Variants in NR2C2 observed in about 807,000 individuals in gnomAD.
NR2C2 encodes the protein Nuclear hormone receptor TR4.
NR2C2 carries 6 observed loss-of-function variants against 62.9 expected under a neutral mutation model. That is an observed-to-expected ratio of 0.10 (90% confidence interval 0.05 to 0.19). The LOEUF (loss-of-function observed/expected upper bound fraction) is 0.19, where lower values mean the gene tolerates loss of function less well. NR2C2 is among the 10% of genes least tolerant of loss of function. The probability of loss-of-function intolerance (pLI) is 1.00; values close to 1 mark genes in which losing one functional copy is unlikely to be tolerated. For missense variants in NR2C2, 479 were observed against 762.7 expected (o/e 0.63, Z 4.38); for synonymous variants, 272 against 273.8 (o/e 0.99, Z 0.07).
chr3:15,043,251 C>A lies in NR2C2; in HGVS notation c.*243C>A. 3.0e-6 allele frequency: 1 copy of A among 329,370 alleles called. No homozygotes were observed. The highest frequency in any genetic ancestry group is 4.8e-5 in the East Asian group (1 of 20,734). 20.4% of individuals were successfully genotyped at this position (329,370 alleles called of 1,614,324 possible). Reference sequence around the variant, plus strand: ...CAGATTTTGGAACAATCTTTTAACTCAATTTGTATTTAGAAATTCTCAAAG... The same window carrying A: ...CAGATTTTGGAACAATCTTTTAACTAAATTTGTATTTAGAAATTCTCAAAG... On this transcript the variant is annotated 3_prime_UTR_variant, in exon 14 of 14. Transcript: ENST00000425241.
chr3:15,017,069 G>C (rs2041531001), intron 4 of NR2C2, among the ~76,000 whole-genome samples: 1 of 152,180 alleles, frequency 6.6e-6, no homozygotes, highest in Non-Finnish European at 1.5e-5. Flanking sequence ...TTCTTCTGTG[G>C]TCACAAAATT....
At chr3:15,003,070 C>T (rs1363991452) in intron 1 of NR2C2, among the ~76,000 whole-genome samples, 3 of 151,396 alleles carry the variant, frequency 2.0e-5, no homozygotes, top group Admixed American at 1.3e-4. Flanking sequence ...CTCAGCCACA[C>T]GAGTAGCTGG....
intron 7 of NR2C2, among the ~76,000 whole-genome samples, chr3:15,027,418 AC>A (rs901140529): frequency 6.6e-6 from 1 of 152,228 alleles, no homozygotes. Context: ...TCATTTCTCC[AC>A]ATCCTTACCA....
intron 1 of NR2C2, among the ~76,000 whole-genome samples, chr3:14,963,412 A>G (rs888120094): frequency 1.4e-4 from 21 of 152,232 alleles, no homozygotes; most frequent in Admixed American, 1.0e-3. Flanking sequence ...AGCTCTTCCA[A>G]TTAACCATGG....
chr3:15,042,559 A>C (rs761273515), intron 13 of NR2C2: 9 of 329,354 alleles, frequency 2.7e-5, no homozygotes, highest in Non-Finnish European at 5.0e-5. Context: ...CTGTTGATGA[A>C]TTTCCAGGTT....
intron 9 of NR2C2, 141 bp from the exon 10 acceptor site, chr3:15,032,235 GCCC>G: frequency 9.0e-7 from 1 of 1,108,430 alleles, no homozygotes; most frequent in Admixed American, 1.8e-5. Context: ...GTCCGTGCAA[GCCC>G]CCCGACTGCA....
At chr3:15,000,132 C>T (rs2040948618) in intron 1 of NR2C2, among the ~76,000 whole-genome samples, 1 of 152,102 alleles carries the variant, frequency 6.6e-6, no homozygotes, top group African/African-American at 2.4e-5. Flanking sequence ...AGTATTCCTC[C>T]TAAGATTTTG....
intron 13 of NR2C2, chr3:15,042,544 G>A (rs1482174696): frequency 6.6e-6 from 2 of 302,310 alleles, no homozygotes; most frequent in Non-Finnish European, 1.2e-5. Context: ...ACTTTAGTCT[G>A]TCCTCTGTTG....
rs1282948255 is a variant in NR2C2, at chr3:15,047,695, G to T, written c.*4687G>T. ...AAATAGTAATTCCCATCTTTCTATC[G>T]CCAGTTAAAAATAAACAACCTACCA... On this transcript the variant is annotated 3_prime_UTR_variant, in exon 14 of 14. Transcript: ENST00000425241. The T allele has an allele frequency of 9.9e-5, 15 of 152,246 alleles. No individual in the cohort carries two copies. The highest frequency in any genetic ancestry group is 4.4e-5 in the Non-Finnish European group (3 of 68,024). 9.4% of individuals were successfully genotyped at this position (152,246 alleles called of 1,614,324 possible). A position where few individuals can be genotyped will look rare whatever the true frequency, so the allele number is the denominator to read the frequency against.
intron 1 of NR2C2, among the ~76,000 whole-genome samples, chr3:14,979,233 G>A (rs7633198): frequency 0.06 from 9,142 of 152,134 alleles, 957 homozygotes; most frequent in African/African-American, 0.21. Flanking sequence ...AGATAAATGC[G>A]TGAGTATTTT....
chr3:15,024,243 T>G, intron 7 of NR2C2, 35 bp downstream of exon 7: 1 of 1,421,442 alleles, frequency 7.0e-7, no homozygotes, highest in Non-Finnish European at 9.7e-7. Flanking sequence ...TCTCATCCTT[T>G]ATGTTGACAT....
chr3:15,000,774 T>C (rs1212982859), intron 1 of NR2C2, among the ~76,000 whole-genome samples: 6 of 152,090 alleles, frequency 3.9e-5, no homozygotes, highest in Non-Finnish European at 8.8e-5. Flanking sequence ...TATCACCATC[T>C]TAACAATATT....
chr3:14,969,801 A>T (rs1209660692), intron 1 of NR2C2, among the ~76,000 whole-genome samples: 2 of 152,160 alleles, frequency 1.3e-5, no homozygotes, highest in Non-Finnish European at 2.9e-5. Context: ...TGACCTCTTT[A>T]TTCTTTTTAT....
intron 1 of NR2C2, among the ~76,000 whole-genome samples, chr3:14,963,875 G>A (rs951209733): frequency 1.3e-5 from 2 of 151,974 alleles, no homozygotes; most frequent in East Asian, 3.9e-4. Flanking sequence ...CAGATTTTTA[G>A]ATCAACCATT....
chr3:14,978,341 T>C (rs965651506), intron 1 of NR2C2, among the ~76,000 whole-genome samples: 1 of 152,202 alleles, frequency 6.6e-6, no homozygotes, highest in Non-Finnish European at 1.5e-5. Flanking sequence ...TAGCCTACAG[T>C]TGGGCAAAAT....
intron 5 of NR2C2, among the ~76,000 whole-genome samples, chr3:15,021,533 A>C (rs1198693422): frequency 6.6e-6 from 1 of 152,220 alleles, no homozygotes; most frequent in Non-Finnish European, 1.5e-5. Context: ...GGGACCAGTC[A>C]GCATGGAGGT....
chr3:15,023,334 A>G lies in NR2C2; in HGVS notation c.691A>G (p.Lys231Glu), dbSNP rs1253947455. Reference protein sequence around the residue: ...LIATPTFVADKDGARQTGLLD... With the variant: ...LIATPTFVADEDGARQTGLLD... ...AGCTACTCCCACGTTTGTGGCAGACAAAGATGGAGCAAGGTCAGTCCCTTG... is the reference window on the plus strand; with the variant it reads ...AGCTACTCCCACGTTTGTGGCAGACGAAGATGGAGCAAGGTCAGTCCCTTG... The change falls in exon 6 of 14, where the codon AAA becomes GAA. Residue 231 changes from lysine to glutamate, a missense_variant. Around this residue, in one of 4 missense-constraint regions of NR2C2, gnomAD observed 151 missense variants for 176.1 expected, o/e 0.86. Transcript: ENST00000425241. The G allele has an allele frequency of 6.2e-7, 1 of 1,614,166 alleles. No individual in the cohort carries two copies. Among genetic ancestry groups the G allele is most frequent in the Non-Finnish European group, 8.5e-7 (1 of 1,180,022 alleles).
Position 15,023,357 on chromosome 3 carries a change from T to C in NR2C2, c.704+10T>C. The C allele has an allele frequency of 6.2e-7, 1 of 1,613,788 alleles. No individual in the cohort carries two copies. Among genetic ancestry groups the C allele is most frequent in the South Asian group, 1.1e-5 (1 of 91,074 alleles). On this transcript the variant is annotated intron_variant, in intron 6 of 13. Coordinates refer to ENST00000425241, the MANE Select transcript of NR2C2 (RefSeq NM_001291694.2). ...ACAAAGATGGAGCAAGGTCAGTCCCTTGTTCTCACTGCAATCAGCCTTTGC... is the reference window on the plus strand; with the variant it reads ...ACAAAGATGGAGCAAGGTCAGTCCCCTGTTCTCACTGCAATCAGCCTTTGC...
At chr3:15,035,033 C>T (rs2042070986) in intron 11 of NR2C2, among the ~76,000 whole-genome samples, 1 of 152,234 alleles carries the variant, frequency 6.6e-6, no homozygotes, top group East Asian at 1.9e-4. Flanking sequence ...TGGCTCACGC[C>T]TGTAATCCTA....
Sources: allele counts gnomAD v4.1 joint callset (sites outside exome capture counted in the v4.1 genomes callset), GRCh38; gene constraint gnomAD v4.1.1; regional missense constraint gnomAD v4.1.1; transcripts MANE v1.5; gene names NCBI Gene and HGNC (gene_info 2026-07-23, HGNC 2026-07-21).